EYS: variants seen among roughly 807,000 people sequenced by gnomAD.
EYS encodes the protein protein eyes shut homolog.
In EYS, 250 loss-of-function variants were observed where a neutral mutation model predicts 282.1. The observed-to-expected ratio is 0.89, with a 90% confidence interval of 0.80 to 0.98. EYS has a LOEUF of 0.98. Ranked by LOEUF, EYS falls within the 50% of genes least tolerant of loss-of-function variation. The probability of loss-of-function intolerance (pLI) is 0.00; values close to 1 mark genes in which losing one functional copy is unlikely to be tolerated. For synonymous variants in EYS, 1,355 were observed against 1,282.9 expected (o/e 1.06, Z -1.20); for missense variants, 4,016 against 3,709.0 (o/e 1.08, Z -2.15).
At chr6:64,233,557 A>G (rs943990394) in intron 30 of EYS, among the ~76,000 whole-genome samples, 9 of 152,232 alleles carry the variant, frequency 5.9e-5, no homozygotes, top group African/African-American at 2.2e-4. Context: ...GTAAAAAAGG[A>G]ACAGTAAAAT....
chr6:65,493,579 C>T (rs929010134), intron 4 of EYS, among the ~76,000 whole-genome samples: 1 of 152,156 alleles, frequency 6.6e-6, no homozygotes, highest in South Asian at 2.1e-4. Flanking sequence ...TCTTTCTCCT[C>T]ACTTTCCTCC....
chr6:64,104,984 A>C (rs1030843071), intron 31 of EYS, among the ~76,000 whole-genome samples: 5 of 151,984 alleles, frequency 3.3e-5, no homozygotes, highest in African/African-American at 1.2e-4. Flanking sequence ...CAATACAGAT[A>C]ATTTTATGTT....
intron 41 of EYS, among the ~76,000 whole-genome samples, chr6:63,746,483 T>C (rs1769213055): frequency 6.6e-6 from 1 of 152,116 alleles, no homozygotes; most frequent in South Asian, 2.1e-4. Flanking sequence ...TTGATTGGAG[T>C]AGTTTCAGAA....
intron 19 of EYS, among the ~76,000 whole-genome samples, chr6:64,860,402 G>A (rs528584885): frequency 2.0e-5 from 3 of 152,312 alleles, no homozygotes; most frequent in Non-Finnish European, 4.4e-5. Flanking sequence ...GTGTGGGGTC[G>A]GGCCACTGCA....
rs531026827 is a variant in EYS at position 65,318,336 on chromosome 6, G to A, written c.1766+16644C>T. On this transcript the variant is annotated intron_variant, in intron 11 of 42. Transcript: ENST00000503581. Reference sequence around the variant, plus strand: ...GACAGAGAGAACAAGAGAGCTCAACGTGGAAATTATACTCTTTCAAAGTCT... The same window carrying A: ...GACAGAGAGAACAAGAGAGCTCAACATGGAAATTATACTCTTTCAAAGTCT... Among the ~76,000 whole-genome samples, 41 of 151,656 alleles carry A rather than the reference G, an allele frequency of 2.7e-4. No individual in the cohort carries two copies. In the South Asian group the frequency reaches 8.1e-3, roughly 30 times the overall value.
At chr6:63,843,729 T>A (rs1342084249) in intron 36 of EYS, among the ~76,000 whole-genome samples, 1 of 152,158 alleles carries the variant, frequency 6.6e-6, no homozygotes, top group Non-Finnish European at 1.5e-5. Flanking sequence ...TTCAACGTAG[T>A]ATTGGAAGTT....
At chr6:64,288,159 G>A (rs753482259) in intron 30 of EYS, among the ~76,000 whole-genome samples, 5 of 152,116 alleles carry the variant, frequency 3.3e-5, no homozygotes, top group Non-Finnish European at 7.4e-5. Context: ...TTGGGTCTTT[G>A]TATTTGACCA....
intron 36 of EYS, among the ~76,000 whole-genome samples, chr6:63,809,722 G>A (rs1452825386): frequency 6.6e-6 from 1 of 151,706 alleles, no homozygotes; most frequent in Non-Finnish European, 1.5e-5. Context: ...GAGTAAAGAG[G>A]GAATATTGTG....
At chr6:64,921,587 C>CA (rs1768348450) in intron 15 of EYS, among the ~76,000 whole-genome samples, 5 of 152,222 alleles carry the variant, frequency 3.3e-5, no homozygotes, top group African/African-American at 1.2e-4. Flanking sequence ...AGCCGGAGTC[C>CA]AAGTGATATT....
chr6:65,572,781 T>C (rs1435609692), intron 2 of EYS, among the ~76,000 whole-genome samples: 3 of 152,164 alleles, frequency 2.0e-5, no homozygotes, highest in African/African-American at 7.2e-5. Context: ...AACATTAATA[T>C]ATTTATATAT....
rs748279166 is a variant in EYS, at chr6:64,230,677, T to C, written c.6339A>G (p.Thr2113=). Residue 2113 remains threonine, a synonymous_variant, in exon 31 of 43, where the codon ACA becomes ACG. Coordinates refer to ENST00000503581, the MANE Select transcript of EYS (RefSeq NM_001142800.2). ...CACTGGAGAGGAAGATGGCATGGCA[T>C]GTGCCTCCATTGTGGCATACATCCT... ...CQQDVCHNGG[T]CHAIFLSSGI... 6.4e-7 allele frequency: 1 copy of C among 1,551,582 alleles called. No individual in the cohort carries two copies. Among genetic ancestry groups the C allele is most frequent in the South Asian group, 1.2e-5 (1 of 84,066 alleles).
At chr6:64,068,314 T>C (rs1325145228) in intron 32 of EYS, among the ~76,000 whole-genome samples, 1 of 152,166 alleles carries the variant, frequency 6.6e-6, no homozygotes, top group African/African-American at 2.4e-5. Flanking sequence ...TATTTAGTTG[T>C]TTCTTTTTTC....
chr6:64,777,074 C>G (rs1773702506), intron 22 of EYS, among the ~76,000 whole-genome samples: 1 of 152,264 alleles, frequency 6.6e-6, no homozygotes, highest in South Asian at 2.1e-4. Flanking sequence ...CCTTTTTAAA[C>G]CATCACATCT....
At chr6:64,389,597 A>G (rs1773033916) in intron 28 of EYS, among the ~76,000 whole-genome samples, 1 of 152,194 alleles carries the variant, frequency 6.6e-6, no homozygotes, top group Admixed American at 6.5e-5. Context: ...GTTTTTTCAT[A>G]ACAGAATTGA....
At chr6:64,959,866 C>T (rs1284341468) in intron 14 of EYS, among the ~76,000 whole-genome samples, 3 of 144,778 alleles carry the variant, frequency 2.1e-5, no homozygotes, top group Admixed American at 1.5e-4. Flanking sequence ...AAGTAGTTCA[C>T]GACTCAGGAT....
Position 64,335,310 on chromosome 6 carries a change from C to T in EYS, c.6079-28228G>A, listed in dbSNP as rs555098290. On this transcript the variant is annotated intron_variant, in intron 29 of 42. Coordinates refer to ENST00000503581, the MANE Select transcript of EYS (RefSeq NM_001142800.2). Reference sequence around the variant, plus strand: ...ATATTAACAGCCTATCTTCTCTCTGCGGTCAGTAGACCTTATCTATACTCC... The same window carrying T: ...ATATTAACAGCCTATCTTCTCTCTGTGGTCAGTAGACCTTATCTATACTCC... 5.3e-4 allele frequency among the ~76,000 whole-genome samples: 71 copies of T among 135,032 alleles called. No individual in the cohort carries two copies. In the East Asian group the frequency reaches 0.011, roughly 20 times the overall value. 88.6% of individuals were successfully genotyped at this position (135,032 alleles called of 152,430 possible).
At chr6:65,497,807 G>A (rs1582380189) in intron 2 of EYS, among the ~76,000 whole-genome samples, 1 of 152,168 alleles carries the variant, frequency 6.6e-6, no homozygotes, top group East Asian at 1.9e-4. Flanking sequence ...AGGAAAAGAT[G>A]TTGAGGACCA....
At chr6:64,452,231 C>G (rs1775377985) in intron 26 of EYS, among the ~76,000 whole-genome samples, 1 of 152,010 alleles carries the variant, frequency 6.6e-6, no homozygotes, top group Non-Finnish European at 1.5e-5. Flanking sequence ...AACAGAGAGC[C>G]AAATCATGAG....
intron 1 of EYS, among the ~76,000 whole-genome samples, chr6:65,702,606 C>T (rs1397205048): frequency 2.6e-5 from 4 of 152,126 alleles, no homozygotes; most frequent in African/African-American, 9.7e-5. Flanking sequence ...GCAGGAGAAT[C>T]GCTTGACCCT....
Sources: allele counts gnomAD v4.1 joint callset (sites outside exome capture counted in the v4.1 genomes callset), GRCh38; gene constraint gnomAD v4.1.1; transcripts MANE v1.5; gene names NCBI Gene and HGNC (gene_info 2026-07-23, HGNC 2026-07-21).